The following VPS13B variants were observed in gnomAD, a reference collection of about 807,000 sequenced individuals.
VPS13B encodes the protein intermembrane lipid transfer protein VPS13B.
Under a neutral mutation model 426.4 loss-of-function variants are expected in VPS13B, and 285 were observed. That is an observed-to-expected ratio of 0.67 (90% CI 0.61 to 0.74). The LOEUF (loss-of-function observed/expected upper bound fraction) is 0.74. Ranked by LOEUF, VPS13B falls within the 30% of genes least tolerant of loss-of-function variation. The pLI is 0.00. For synonymous variants in VPS13B, 1,676 were observed against 1,676.4 expected, an observed-to-expected ratio of 1.00 and a Z score of 0.01; for missense variants, 4,537 against 4,782.6, an observed-to-expected ratio of 0.95 and a Z score of 1.51.
chr8:99,821,770 A>C (rs1398967104), intron 50 of VPS13B, among the ~76,000 whole-genome samples: 1 of 152,210 alleles, frequency 6.6e-6, no homozygotes, highest in African/African-American at 2.4e-5. Flanking sequence ...AACTTACTCC[A>C]AAATATCCAC....
intron 17 of VPS13B, among the ~76,000 whole-genome samples, chr8:99,252,365 A>G (rs1817547387): frequency 6.6e-6 from 1 of 151,904 alleles, no homozygotes; most frequent in African/African-American, 2.4e-5. Context: ...TTTTCTTACT[A>G]TTTTTTAAAA....
intron 35 of VPS13B, among the ~76,000 whole-genome samples, chr8:99,671,297 A>G (rs1830708381): frequency 6.6e-6 from 1 of 151,992 alleles, no homozygotes; most frequent in Non-Finnish European, 1.5e-5. Context: ...AGAAATGTCT[A>G]TTTAGGTCTT....
At chr8:99,066,678 T>G (rs1193684223) in intron 3 of VPS13B, among the ~76,000 whole-genome samples, 2 of 152,198 alleles carry the variant, frequency 1.3e-5, no homozygotes, top group Non-Finnish European at 2.9e-5. Flanking sequence ...AAAGAGCTTC[T>G]GCACAGCAAA....
At chr8:99,579,713 C>CT (rs756136630) in intron 33 of VPS13B, among the ~76,000 whole-genome samples, 74 of 144,048 alleles carry the variant, frequency 5.1e-4, no homozygotes, top group Non-Finnish European at 6.1e-4. Flanking sequence ...TTCTTTCTTT[C>CT]TTTTTTTTTT....
intron 31 of VPS13B, among the ~76,000 whole-genome samples, chr8:99,563,335 A>G (rs1825028533): frequency 6.6e-6 from 1 of 152,218 alleles, no homozygotes; most frequent in Non-Finnish European, 1.5e-5. Flanking sequence ...TTTAACTATT[A>G]GAATGCAGTG....
At chr8:99,410,295 G>A (rs1321557716) in intron 21 of VPS13B, among the ~76,000 whole-genome samples, 1 of 152,038 alleles carries the variant, frequency 6.6e-6, no homozygotes, top group African/African-American at 2.4e-5. Flanking sequence ...GCCTTATCTT[G>A]TCTTTCTGGC....
At position 99,438,034 on chromosome 8, in the gene VPS13B, CTTTTTT is replaced by C. The variant is rs746500253; in HGVS notation, c.3211-4353_3211-4348del. ...ACATGTACTAGCATTTTCTTTTCCT[CTTTTTT>C]TTTTTTTTTTTTTGTACTCTCTGAG... On this transcript the variant is annotated intron_variant, in intron 22 of 61. Transcript: ENST00000357162. 4.1e-3 allele frequency among the ~76,000 whole-genome samples: 492 copies of C among 120,604 alleles called. 3 individuals carry two copies. Among genetic ancestry groups the C allele is most frequent in the African/African-American group, 0.014 (469 of 32,424 alleles). 79.1% of individuals were successfully genotyped at this position (120,604 alleles called of 152,430 possible).
intron 40 of VPS13B, 110 bp from the exon 41 acceptor site, chr8:99,776,662 TGAC>T (rs1811756504): frequency 1.0e-6 from 1 of 966,714 alleles, no homozygotes; most frequent in Admixed American, 2.1e-5. Context: ...GATAAAATAT[TGAC>T]TATAGGATTT....
intron 30 of VPS13B, among the ~76,000 whole-genome samples, chr8:99,522,990 T>A (rs1264481128): frequency 5.9e-5 from 9 of 152,202 alleles, no homozygotes; most frequent in Admixed American, 5.2e-4. Context: ...ATTTTATTAT[T>A]CCTATGATTT....
chr8:99,111,399 G>T, intron 6 of VPS13B, 120 bp downstream of exon 6: 4 of 748,966 alleles, frequency 5.3e-6, no homozygotes, highest in East Asian at 3.0e-5. Context: ...TATGCCATTT[G>T]TTTTTATAAA....
intron 35 of VPS13B, among the ~76,000 whole-genome samples, chr8:99,670,732 G>T (rs1830680265): frequency 1.3e-5 from 2 of 151,974 alleles, no homozygotes; most frequent in Admixed American, 6.6e-5. Flanking sequence ...AAATCATGCA[G>T]TTTTTGTCTA....
chr8:99,368,915 G>A lies in VPS13B; in HGVS notation c.2825-15293G>A, dbSNP rs16897315. Among the ~76,000 whole-genome samples the A allele has an allele frequency of 3.3e-3, 505 of 152,268 alleles. 2 individuals carry two copies. Among genetic ancestry groups the A allele is most frequent in the African/African-American group, 0.012 (481 of 41,536 alleles). ...GCTCCATCCTTTCAAAACTACTCAT[G>A]TTCCTGAACGTATCATACTTTTCCT... On this transcript the variant is annotated intron_variant, in intron 19 of 61. Transcript: ENST00000357162.
At chr8:99,543,463 G>A (rs891289965) in intron 30 of VPS13B, among the ~76,000 whole-genome samples, 65 of 151,638 alleles carry the variant, frequency 4.3e-4, no homozygotes, top group African/African-American at 1.5e-3. Flanking sequence ...TTGACAAATG[G>A]GATCTAATTA....
rs1587911762 is a variant in VPS13B at position 99,013,355 on chromosome 8, G to A, written c.-30+8G>A. 3.5e-6 allele frequency: 1 copy of A among 282,280 alleles called. No homozygotes were observed. Among genetic ancestry groups the A allele is most frequent in the East Asian group, 9.3e-5 (1 of 10,744 alleles). 17.5% of individuals were successfully genotyped at this position (282,280 alleles called of 1,614,324 possible). On this transcript the variant is annotated splice_region_variant and intron_variant, in intron 1 of 61. Transcript: ENST00000357162. ...GCGGCGGTACTCTGGCGTGTGAGCCGAGGGTGGAGTGCAGAGGGAGCGGGA... is the reference window on the plus strand; with the variant it reads ...GCGGCGGTACTCTGGCGTGTGAGCCAAGGGTGGAGTGCAGAGGGAGCGGGA...
At chr8:99,449,516 T>C (rs1244964584) in intron 23 of VPS13B, among the ~76,000 whole-genome samples, 1 of 152,108 alleles carries the variant, frequency 6.6e-6, no homozygotes, top group Non-Finnish European at 1.5e-5. Flanking sequence ...AAGTCATTTA[T>C]AGAGTGACAA....
intron 33 of VPS13B, among the ~76,000 whole-genome samples, chr8:99,623,975 G>T (rs911343843): frequency 1.5e-5 from 2 of 133,702 alleles, no homozygotes; most frequent in Admixed American, 1.7e-4. Context: ...AAAGGTAAAG[G>T]CTATGTCTAT....
intron 17 of VPS13B, among the ~76,000 whole-genome samples, chr8:99,251,303 A>G (rs915232312): frequency 6.6e-6 from 1 of 152,130 alleles, no homozygotes; most frequent in South Asian, 2.1e-4. Context: ...GTTTTTGTAG[A>G]TGATCTTTCT....
At chr8:99,714,494 A>G (rs1832832212) in intron 36 of VPS13B, among the ~76,000 whole-genome samples, 1 of 152,176 alleles carries the variant, frequency 6.6e-6, no homozygotes, top group South Asian at 2.1e-4. Context: ...GAAGAAAAAG[A>G]GCATATCTGC....
rs1811252555 is a variant in VPS13B at position 99,766,835 on chromosome 8, T to G, written c.7112T>G (p.Phe2371Cys). The G allele has an allele frequency of 1.2e-6, 2 of 1,613,924 alleles. No homozygotes were observed. Among genetic ancestry groups the G allele is most frequent in the South Asian group, 2.2e-5 (2 of 91,086 alleles). Residue 2371 changes from phenylalanine (F) to cysteine (C), a missense_variant, in exon 40 of 62, where the codon TTT (phenylalanine) becomes TGT (cysteine). Physicochemically the swap from Phe to Cys is radical, Grantham distance 205. Around this residue, in one of 2 missense-constraint regions of VPS13B, gnomAD observed 4,311 missense variants for 4,474.3 expected, o/e 0.96. Coordinates refer to ENST00000357162, the MANE Select transcript of VPS13B (RefSeq NM_152564.5). ...AAGGTTTTTGTTGCATTTAGAGAATTTAATCTGTCTGAAAGCAAAGTTTGT... is the reference window on the plus strand; with the variant it reads ...AAGGTTTTTGTTGCATTTAGAGAATGTAATCTGTCTGAAAGCAAAGTTTGT... ...LQKVFVAFRE[F>C]NLSESKVCEL...
Sources: gnomAD v4.1 joint callset for allele counts (sites outside exome capture counted in the v4.1 genomes callset) on GRCh38, gnomAD v4.1.1 for gene constraint, gnomAD v4.1.1 regional missense constraint, MANE v1.5 for transcripts, NCBI Gene and HGNC (gene_info 2026-07-23, HGNC 2026-07-21) for gene names.